LYPLAL1: variants seen among roughly 807,000 people sequenced by gnomAD.
LYPLAL1 encodes lysophospholipase like 1.
A neutral mutation model predicts 19.7 loss-of-function variants in LYPLAL1; 23 were observed. That is an observed-to-expected ratio of 1.17 (90% CI 0.84 to 1.65). The LOEUF (loss-of-function observed/expected upper bound fraction) is 1.65, where lower values mean the gene tolerates loss of function less well. Ranked by LOEUF, LYPLAL1 falls within the 40% of genes most tolerant of loss-of-function variation. The probability of loss-of-function intolerance (pLI) is 0.00; values close to 1 mark genes in which losing one functional copy is unlikely to be tolerated. For missense variants in LYPLAL1, 355 were observed against 279.4 expected (o/e 1.27, Z -1.93); for synonymous variants, 119 against 96.3 (o/e 1.24, Z -1.38).
At chr1:219,230,018 A>C in the LYPLAL1 span, among the ~76,000 whole-genome samples, 1 of 152,200 alleles carries the variant, frequency 6.6e-6, no homozygotes. Flanking sequence ...TAGTCACGTA[A>C]ATAAAAATAA....
the LYPLAL1 span, among the ~76,000 whole-genome samples, chr1:219,218,809 T>C: frequency 1.3e-5 from 2 of 152,140 alleles, no homozygotes; most frequent in Admixed American, 6.6e-5. Flanking sequence ...TCATGTAGCA[T>C]TGAATTAAGA....
chr1:219,243,769 A>G, the LYPLAL1 span, among the ~76,000 whole-genome samples: 1 of 152,002 alleles, frequency 6.6e-6, no homozygotes, highest in African/African-American at 2.4e-5. Flanking sequence ...AATACAAAAA[A>G]TTAGCTGGAC....
chr1:219,238,122 C>CTTTT, the LYPLAL1 span, among the ~76,000 whole-genome samples: 75 of 103,858 alleles, frequency 7.2e-4, 1 homozygote, highest in Non-Finnish European at 8.7e-4. Flanking sequence ...TGGATCTAAA[C>CTTTT]TTTTTTTTTT....
the LYPLAL1 span, among the ~76,000 whole-genome samples, chr1:219,381,977 AG>A: frequency 6.6e-6 from 1 of 152,192 alleles, no homozygotes; most frequent in Non-Finnish European, 1.5e-5. Flanking sequence ...TGCTAGGAAA[AG>A]GTAAACAGAT....
chr1:219,421,095 C>G, the LYPLAL1 span, among the ~76,000 whole-genome samples: 7 of 152,140 alleles, frequency 4.6e-5, no homozygotes, highest in African/African-American at 1.7e-4. Flanking sequence ...TTGACATGGC[C>G]AATAAACCAG....
the LYPLAL1 span, among the ~76,000 whole-genome samples, chr1:219,303,923 C>G: frequency 6.6e-6 from 1 of 152,094 alleles, no homozygotes; most frequent in Non-Finnish European, 1.5e-5. Context: ...ATTTATTGCT[C>G]CATTGCAATT....
chr1:219,319,360 C>T, the LYPLAL1 span, among the ~76,000 whole-genome samples: 70 of 152,076 alleles, frequency 4.6e-4, no homozygotes, highest in Non-Finnish European at 9.7e-4. Context: ...CGAGTTGGAA[C>T]CCAGATCTGT....
At chr1:219,320,620 G>T in the LYPLAL1 span, among the ~76,000 whole-genome samples, 1 of 151,876 alleles carries the variant, frequency 6.6e-6, no homozygotes, top group Non-Finnish European at 1.5e-5. Context: ...GTCCTGGTGT[G>T]TGATGTTCCC....
intron 2 of LYPLAL1, among the ~76,000 whole-genome samples, chr1:219,183,467 CAT>C (rs1656460161): frequency 6.6e-6 from 1 of 151,976 alleles, no homozygotes; most frequent in Admixed American, 6.6e-5. Flanking sequence ...ATTGTATGTG[CAT>C]AGTTAATTTT....
At chr1:219,277,384 G>A in the LYPLAL1 span, among the ~76,000 whole-genome samples, 1 of 152,132 alleles carries the variant, frequency 6.6e-6, no homozygotes, top group African/African-American at 2.4e-5. Context: ...GTGTTTCCTT[G>A]ATGACAGAGC....
the LYPLAL1 span, among the ~76,000 whole-genome samples, chr1:219,407,987 C>T: frequency 1.3e-5 from 2 of 152,094 alleles, no homozygotes; most frequent in East Asian, 3.9e-4. Flanking sequence ...ATCTATTTAC[C>T]TCCCAAAGGC....
At chr1:219,235,966 T>C in the LYPLAL1 span, among the ~76,000 whole-genome samples, 2 of 152,222 alleles carry the variant, frequency 1.3e-5, no homozygotes, top group African/African-American at 4.8e-5. Context: ...ATTAGCAGCC[T>C]TTCTATCAAA....
the LYPLAL1 span, among the ~76,000 whole-genome samples, chr1:219,310,627 C>T: frequency 1.3e-5 from 2 of 152,098 alleles, no homozygotes; most frequent in Non-Finnish European, 2.9e-5. Context: ...AAGCAAAGGC[C>T]ATGCTATGAA....
chr1:219,262,395 G>A, the LYPLAL1 span, among the ~76,000 whole-genome samples: 1 of 151,994 alleles, frequency 6.6e-6, no homozygotes, highest in Non-Finnish European at 1.5e-5. Flanking sequence ...TCTTTTGGGG[G>A]TGTTATAAAA....
At chr1:219,309,545 C>T in the LYPLAL1 span, among the ~76,000 whole-genome samples, 4 of 151,974 alleles carry the variant, frequency 2.6e-5, no homozygotes, top group African/African-American at 4.8e-5. Context: ...GGGAGGAACC[C>T]GGGGGAGAAA....
At chr1:219,214,056 A>T (rs563593896), downstream of LYPLAL1, among the ~76,000 whole-genome samples, 2 of 152,230 alleles carry the variant, frequency 1.3e-5, no homozygotes, top group South Asian at 4.1e-4. Flanking sequence ...AATTGATGAT[A>T]TTCCTCTCTG....
the LYPLAL1 span, among the ~76,000 whole-genome samples, chr1:219,240,977 C>T: frequency 4.6e-5 from 7 of 151,430 alleles, no homozygotes; most frequent in African/African-American, 1.5e-4. Context: ...AGGAAGATCA[C>T]TTGAGCCCAG....
the LYPLAL1 span, among the ~76,000 whole-genome samples, chr1:219,306,849 T>TAGATAGAC: frequency 5.4e-3 from 728 of 135,378 alleles, 4 homozygotes; most frequent in African/African-American, 0.014. Flanking sequence ...GATAGATAGA[T>TAGATAGAC]AGACAGACAG....
rs140183886 is a variant in LYPLAL1 at position 219,173,950 on chromosome 1, T to A, written c.60T>A (p.His20Gln). ...GTATCGTGTCGCCGGCAGGGAGGCATAGCGCCTCTCTGATCTTCCTGCATG... is the reference window on the plus strand; with the variant it reads ...GTATCGTGTCGCCGGCAGGGAGGCAAAGCGCCTCTCTGATCTTCCTGCATG... ...QRCIVSPAGR[H>Q]SASLIFLHGS... Residue 20 changes from histidine (H) to glutamine (Q), a missense_variant, in exon 1 of 5, where the codon CAT (histidine) becomes CAA (glutamine). By Grantham distance (24) the His-to-Gln change is conservative. Coordinates refer to ENST00000366928, the MANE Select transcript of LYPLAL1 (RefSeq NM_138794.5). 1.9e-6 allele frequency: 3 copies of A among 1,613,906 alleles called. No homozygotes were observed. The highest frequency in any genetic ancestry group is 2.5e-6 in the Non-Finnish European group (3 of 1,179,972).
Sources: allele counts gnomAD v4.1 joint callset (sites outside exome capture counted in the v4.1 genomes callset), GRCh38; gene constraint gnomAD v4.1.1; transcripts MANE v1.5; gene names NCBI Gene and HGNC (gene_info 2026-07-23, HGNC 2026-07-21).